Variants in DOCK11 observed in about 807,000 individuals in gnomAD.
The protein encoded by DOCK11 is dedicator of cytokinesis protein 11.
A neutral mutation model predicts 169.1 loss-of-function variants in DOCK11; 70 were observed. The ratio of observed to expected loss-of-function variants is 0.41; its 90% CI spans 0.34 to 0.51. The LOEUF (loss-of-function observed/expected upper bound fraction) is 0.51, where lower values mean the gene tolerates loss of function less well. DOCK11 is among the 20% of genes least tolerant of loss of function. DOCK11 has a pLI of 0.10. For synonymous variants in DOCK11, 529 were observed against 541.3 expected (o/e 0.98, Z 0.32); for missense variants, 1,166 against 1,538.8 (o/e 0.76, Z 4.05).
chrX:118,587,186 A>G (rs1490129081), intron 16 of DOCK11, among the ~76,000 whole-genome samples: 1 of 112,358 alleles, frequency 8.9e-6, no homozygotes, highest in Non-Finnish European at 1.9e-5. Flanking sequence ...ATTAACAGCA[A>G]TGTTTACAAA....
chrX:118,660,174 C>A (rs973821959), intron 44 of DOCK11, among the ~76,000 whole-genome samples: 9 of 111,995 alleles, frequency 8.0e-5, no homozygotes, highest in African/African-American at 2.9e-4. Flanking sequence ...AGACCAGCTG[C>A]TAGTCTGAGA....
intron 12 of DOCK11, among the ~76,000 whole-genome samples, chrX:118,576,392 C>G (rs1164306752): frequency 8.9e-6 from 1 of 111,973 alleles, no homozygotes; most frequent in Non-Finnish European, 1.9e-5. Context: ...TGGGTTCTCT[C>G]TGGCCACCTT....
At chrX:118,673,963 T>C (rs1279195703) in intron 46 of DOCK11, among the ~76,000 whole-genome samples, 1 of 111,876 alleles carries the variant, frequency 8.9e-6, no homozygotes, top group Non-Finnish European at 1.9e-5. Flanking sequence ...AGCATGGTCA[T>C]GGTGCTCAGT....
rs922126206 is a variant in DOCK11, at chrX:118,524,743, A to G, written c.103-17982A>G. Among the ~76,000 whole-genome samples the G allele has an allele frequency of 2.7e-5, 3 of 111,733 alleles. No individual in the cohort carries two copies. The Admixed American group carries it at 2.9e-4, about 11-fold the overall frequency. ...AAAACTGGAAAATAAGTGTTGAGGA[A>G]CACGGGCGGGGCGGACCTGGAACCC... On this transcript the variant is annotated intron_variant, in intron 1 of 52. Coordinates refer to ENST00000276202, the MANE Select transcript of DOCK11 (RefSeq NM_144658.4).
rs113912516 is a variant in DOCK11 at position 118,596,418 on chromosome X, A to G, written c.2264-1013A>G. Among the ~76,000 whole-genome samples, 152 of 112,480 alleles carry G rather than the reference A, an allele frequency of 1.4e-3. 2 individuals carry two copies. The highest frequency in any genetic ancestry group is 4.6e-3 in the African/African-American group (143 of 31,038). On this transcript the variant is annotated intron_variant, in intron 20 of 52. Transcript: ENST00000276202. ...CCAAATTAAACACATAAATGAAAAC[A>G]TTCTAACCAGATTTGTGTTGACTTC... is the stretch of plus-strand genomic sequence containing the variant.
At position 118,577,702 on chromosome X, in the gene DOCK11, T is replaced by C. The variant is rs542381584; in HGVS notation, c.1390-823T>C. ...TTCTGCCCTGTCTACCTCCAAGGGTTCTATCTGGTACAAATGAGATAATGT... is the reference window on the plus strand; with the variant it reads ...TTCTGCCCTGTCTACCTCCAAGGGTCCTATCTGGTACAAATGAGATAATGT... On this transcript the variant is annotated intron_variant, in intron 12 of 52. Coordinates refer to ENST00000276202, the MANE Select transcript of DOCK11 (RefSeq NM_144658.4). Among the ~76,000 whole-genome samples, 11 of 111,907 alleles carry C rather than the reference T, an allele frequency of 9.8e-5. No individual in the cohort carries two copies. The Middle Eastern group carries it at 0.018, about 187-fold the overall frequency.
Position 118,618,559 on chromosome X carries a change from T to TTGAATACAG in DOCK11, c.3304_3312dup (p.Glu1102_Ser1104dup), listed in dbSNP as rs1273221479. 8.4e-7 allele frequency: 1 copy of TTGAATACAG among 1,191,699 alleles called. No individual in the cohort carries two copies. Among genetic ancestry groups the TTGAATACAG allele is most frequent in the Admixed American group, 2.3e-5 (1 of 43,155 alleles). On this transcript the variant is annotated inframe_insertion, in exon 31 of 53. Coordinates refer to ENST00000276202, the MANE Select transcript of DOCK11 (RefSeq NM_144658.4). ...TTTCATTGTACTGCAGATTCAAATCTTGAATACAGTTTATCAGATGAGTAT... is the reference window on the plus strand; with the variant it reads ...TTTCATTGTACTGCAGATTCAAATCTTGAATACAGTGAATACAGTTTATCAGATGAGTAT...
At chrX:118,681,348 T>G in intron 50 of DOCK11, 100 bp downstream of exon 50, 1 of 802,129 alleles carries the variant, frequency 1.2e-6, no homozygotes, top group Non-Finnish European at 1.7e-6. Context: ...TGTTGGGCAC[T>G]TACTGAGTGC....
At chrX:118,597,305 AC>A in intron 20 of DOCK11, 125 bp from the exon 21 acceptor site, 3 of 898,624 alleles carry the variant, frequency 3.3e-6, no homozygotes, top group Non-Finnish European at 4.7e-6. Context: ...GTTGCCCAGC[AC>A]CTGAACTCCC....
At chrX:118,681,916 T>G in intron 51 of DOCK11, 122 bp downstream of exon 51, 1 of 473,608 alleles carries the variant, frequency 2.1e-6, no homozygotes, top group Non-Finnish European at 3.3e-6. Context: ...CTGTGGTCTT[T>G]TACAATATCT....
At chrX:118,663,239 C>G (rs1019233282) in intron 45 of DOCK11, among the ~76,000 whole-genome samples, 1 of 112,477 alleles carries the variant, frequency 8.9e-6, no homozygotes, top group Non-Finnish European at 1.9e-5. Flanking sequence ...AGGCCTTGGA[C>G]TTGGTGACCT....
At chrX:118,504,252 G>T (rs1000637760) in intron 1 of DOCK11, among the ~76,000 whole-genome samples, 1 of 110,892 alleles carries the variant, frequency 9.0e-6, no homozygotes, top group African/African-American at 3.3e-5. Context: ...ACATTGTTCT[G>T]TTTATGGCAT....
At position 118,681,211 on chromosome X, in the gene DOCK11, A is replaced by G; in HGVS notation, c.5825A>G (p.Gln1942Arg). ...TCCTCTACTGACGTGGACATGATTC[A>G]GCTCCAACTTAAATTGCAGGGCTGT... ...LCSSTDVDMI[Q>R]LQLKLQGCVS... is the part of the protein sequence containing the mutation. The change falls in exon 50 of 53, where the codon CAG becomes CGG. Residue 1942 changes from glutamine (Q) to arginine (R), a missense_variant. Gln to Arg is a conservative substitution (Grantham distance 43). Transcript: ENST00000276202. 1 of 1,200,332 alleles carries G rather than the reference A, an allele frequency of 8.3e-7. No individual in the cohort carries two copies. The highest frequency in any genetic ancestry group is 1.1e-6 in the Non-Finnish European group (1 of 891,060).
chrX:118,580,043 G>T, intron 13 of DOCK11, 54 bp from the exon 14 acceptor site: 1 of 1,004,492 alleles, frequency 1.0e-6, no homozygotes, highest in Non-Finnish European at 1.4e-6. Context: ...TTTTCTGGGT[G>T]GGTCCATGGC....
intron 47 of DOCK11, among the ~76,000 whole-genome samples, 158 bp from the exon 48 acceptor site, chrX:118,676,433 A>T (rs1437680841): frequency 1.8e-5 from 2 of 112,062 alleles, no homozygotes; most frequent in Non-Finnish European, 3.8e-5. Flanking sequence ...ATTCTCATGT[A>T]TTTGAAATTA....
chrX:118,578,733 A>G (rs1035985588), intron 13 of DOCK11, 86 bp downstream of exon 13: 5 of 928,452 alleles, frequency 5.4e-6, no homozygotes, highest in Non-Finnish European at 7.4e-6. Flanking sequence ...TGCTTTGAGC[A>G]TGCTATATAT....
intron 1 of DOCK11, among the ~76,000 whole-genome samples, chrX:118,499,250 G>A (rs900516047): frequency 9.8e-5 from 11 of 112,072 alleles, no homozygotes; most frequent in African/African-American, 3.6e-4. Flanking sequence ...GTTGTATTAT[G>A]GCCGCCCTTT....
At chrX:118,598,485 T>C (rs1187599251) in intron 22 of DOCK11, among the ~76,000 whole-genome samples, 3 of 111,410 alleles carry the variant, frequency 2.7e-5, no homozygotes, top group African/African-American at 6.5e-5. Context: ...GATTTGAGCC[T>C]CACAGAACTC....
Position 118,573,901 on chromosome X carries a change from C to A in DOCK11, c.1272C>A (p.Val424=), listed in dbSNP as rs1358455158. The change falls in exon 12 of 53, where the codon GTC becomes GTA. Residue 424 remains valine (V), a synonymous_variant. Transcript: ENST00000276202. The part of the protein sequence containing the change: ...DFHVDLNPPS[V]REMLWGSSTQ... Reference sequence around the variant, plus strand: ...ATGTAGACCTGAATCCCCCATCTGTCCGTGAAATGCTGTGGGGCTCTTCAA... The same window carrying A: ...ATGTAGACCTGAATCCCCCATCTGTACGTGAAATGCTGTGGGGCTCTTCAA... The A allele has an allele frequency of 1.7e-6, 2 of 1,209,401 alleles. No individual in the cohort carries two copies. Among genetic ancestry groups the A allele is most frequent in the East Asian group, 5.9e-5 (2 of 33,774 alleles).
Sources: gnomAD v4.1 joint callset for allele counts (sites outside exome capture counted in the v4.1 genomes callset) on GRCh38, gnomAD v4.1.1 for gene constraint, MANE v1.5 for transcripts, NCBI Gene and HGNC (gene_info 2026-07-23, HGNC 2026-07-21) for gene names.